CAMK1D: variants seen among roughly 807,000 people sequenced by gnomAD.
The protein encoded by CAMK1D is calcium/calmodulin-dependent protein kinase type 1D.
A neutral mutation model predicts 47.7 loss-of-function variants in CAMK1D; 9 were observed. The ratio of observed to expected loss-of-function variants is 0.19; its 90% CI spans 0.11 to 0.33. The LOEUF (loss-of-function observed/expected upper bound fraction) is 0.33. Ranked by LOEUF, CAMK1D falls within the 10% of genes least tolerant of loss-of-function variation. CAMK1D has a pLI of 1.00. For synonymous variants in CAMK1D, 184 were observed against 184.9 expected (o/e 0.99, Z 0.04); for missense variants, 291 against 488.7 (o/e 0.60, Z 3.81).
At chr10:12,564,302 C>T (rs1026151911) in intron 2 of CAMK1D, among the ~76,000 whole-genome samples, 1 of 152,004 alleles carries the variant, frequency 6.6e-6, no homozygotes, top group African/African-American at 2.4e-5. Context: ...GAAATAGACA[C>T]CAAAGATTCA....
chr10:12,668,875 C>A (rs2132560325), intron 3 of CAMK1D, among the ~76,000 whole-genome samples: 1 of 152,026 alleles, frequency 6.6e-6, no homozygotes, highest in South Asian at 2.1e-4. Flanking sequence ...CTTCCCTGAG[C>A]TTTTTCTGTC....
chr10:12,506,423 A>G (rs1834873373), intron 1 of CAMK1D, among the ~76,000 whole-genome samples: 1 of 152,188 alleles, frequency 6.6e-6, no homozygotes, highest in African/African-American at 2.4e-5. Context: ...CTGTCTCAAA[A>G]AGAAAAGATA....
intron 8 of CAMK1D, among the ~76,000 whole-genome samples, chr10:12,822,068 A>T (rs945257740): frequency 5.3e-5 from 8 of 152,234 alleles, no homozygotes; most frequent in African/African-American, 1.9e-4. Context: ...TGATAAAGCA[A>T]TCCTGCTGTA....
chr10:12,393,612 C>T (rs1263086120), intron 1 of CAMK1D, among the ~76,000 whole-genome samples: 1 of 152,162 alleles, frequency 6.6e-6, no homozygotes, highest in African/African-American at 2.4e-5. Context: ...GGAGACACTC[C>T]CTGTATCCTG....
intron 1 of CAMK1D, among the ~76,000 whole-genome samples, chr10:12,459,471 T>G (rs1038336273): frequency 1.3e-5 from 2 of 152,080 alleles, no homozygotes; most frequent in Admixed American, 6.6e-5. Flanking sequence ...AAAAAATTCC[T>G]CTTCACTGTG....
intron 2 of CAMK1D, among the ~76,000 whole-genome samples, chr10:12,616,579 G>A (rs1055309952): frequency 3.3e-5 from 5 of 151,954 alleles, no homozygotes; most frequent in African/African-American, 1.2e-4. Context: ...GTGCAGTGGT[G>A]TGATCTCGGC....
chr10:12,542,807 A>C (rs1419579603), intron 1 of CAMK1D, among the ~76,000 whole-genome samples: 2 of 152,134 alleles, frequency 1.3e-5, no homozygotes, highest in Non-Finnish European at 2.9e-5. Context: ...CAGCAGTGTG[A>C]ACTCAGCTCG....
At chr10:12,795,179 A>T (rs1838142616) in intron 6 of CAMK1D, among the ~76,000 whole-genome samples, 1 of 152,134 alleles carries the variant, frequency 6.6e-6, no homozygotes, top group Non-Finnish European at 1.5e-5. Flanking sequence ...TTGGATAAGC[A>T]GAGAGATAAG....
At chr10:12,689,503 C>T (rs1415441281) in intron 3 of CAMK1D, among the ~76,000 whole-genome samples, 3 of 152,210 alleles carry the variant, frequency 2.0e-5, no homozygotes, top group East Asian at 1.9e-4. Context: ...ACTTGCCGGG[C>T]GTGGTGGTGA....
chr10:12,428,762 G>A (rs935984524), intron 1 of CAMK1D, among the ~76,000 whole-genome samples: 5 of 152,160 alleles, frequency 3.3e-5, no homozygotes, highest in Admixed American at 2.6e-4. Flanking sequence ...CCAATGCGAC[G>A]GTGTTAGGAA....
intron 1 of CAMK1D, among the ~76,000 whole-genome samples, chr10:12,402,424 G>A (rs1236688198): frequency 6.6e-6 from 1 of 152,086 alleles, no homozygotes; most frequent in Non-Finnish European, 1.5e-5. Flanking sequence ...TAGAGACAGG[G>A]TTTTGCCATG....
intron 1 of CAMK1D, among the ~76,000 whole-genome samples, chr10:12,505,532 G>A (rs1339594648): frequency 1.3e-5 from 2 of 152,178 alleles, no homozygotes; most frequent in Non-Finnish European, 2.9e-5. Flanking sequence ...TCTTTCCTGG[G>A]CTGTTGGTCC....
At chr10:12,625,713 A>T (rs1839195140) in intron 2 of CAMK1D, among the ~76,000 whole-genome samples, 1 of 150,136 alleles carries the variant, frequency 6.7e-6, no homozygotes. Flanking sequence ...AAATCTGTGC[A>T]GGGCTTGCTT....
chr10:12,469,316 C>T (rs1833681882), intron 1 of CAMK1D, among the ~76,000 whole-genome samples: 1 of 107,984 alleles, frequency 9.3e-6, no homozygotes, highest in African/African-American at 3.6e-5. Flanking sequence ...TTCCCCCGCC[C>T]CCCTCCCCTT....
chr10:12,478,762 T>C (rs1588533348), intron 1 of CAMK1D, among the ~76,000 whole-genome samples: 1 of 152,276 alleles, frequency 6.6e-6, no homozygotes, highest in Non-Finnish European at 1.5e-5. Context: ...TCTTGGGCAC[T>C]GTGCAGTAGG....
chr10:12,526,874 TATC>T (rs150068839), intron 1 of CAMK1D, among the ~76,000 whole-genome samples: 1,981 of 138,368 alleles, frequency 0.014, 49 homozygotes, highest in African/African-American at 0.05. Flanking sequence ...GCTGTGATCA[TATC>T]ATTGAGCAAA....
chr10:12,552,437 A>G (rs2768340), intron 1 of CAMK1D, among the ~76,000 whole-genome samples: 126,689 of 152,164 alleles, frequency 0.83, 52,872 homozygotes, highest in East Asian at 0.9. Flanking sequence ...CCAGCTGGGA[A>G]GAGTCCAGTG....
chr10:12,542,439 A>C (rs1168219835), intron 1 of CAMK1D, among the ~76,000 whole-genome samples: 2 of 152,230 alleles, frequency 1.3e-5, no homozygotes, highest in Non-Finnish European at 2.9e-5. Flanking sequence ...ACACTAAGCT[A>C]ATAGGGCAGG....
intron 6 of CAMK1D, among the ~76,000 whole-genome samples, chr10:12,805,346 A>G (rs141170223): frequency 6.6e-6 from 1 of 151,064 alleles, no homozygotes; most frequent in African/African-American, 2.4e-5. Flanking sequence ...CATGATAATA[A>G]GCCATAATAT....
Sources: gnomAD v4.1 joint callset for allele counts (sites outside exome capture counted in the v4.1 genomes callset) on GRCh38, gnomAD v4.1.1 for gene constraint, MANE v1.5 for transcripts, NCBI Gene and HGNC (gene_info 2026-07-23, HGNC 2026-07-21) for gene names.